ARID3A: variants seen among roughly 807,000 people sequenced by gnomAD.
ARID3A encodes the protein AT-rich interactive domain-containing protein 3A.
In ARID3A, 11 loss-of-function variants were observed where a neutral mutation model predicts 52.7. The ratio of observed to expected loss-of-function variants is 0.21; its 90% CI spans 0.13 to 0.35. The LOEUF (loss-of-function observed/expected upper bound fraction) is 0.35. Ranked by LOEUF, ARID3A falls within the 10% of genes least tolerant of loss-of-function variation. The pLI, the probability that ARID3A is intolerant of heterozygous loss-of-function variation, is 1.00. For missense variants in ARID3A, 721 were observed against 838.5 expected (o/e 0.86, Z 1.73); for synonymous variants, 404 against 359.4 (o/e 1.12, Z -1.40).
intron 3 of ARID3A, among the ~76,000 whole-genome samples, chr19:948,096 G>A (rs933293429): frequency 3.9e-5 from 6 of 151,912 alleles, no homozygotes; most frequent in Non-Finnish European, 7.4e-5. Flanking sequence ...GCCCTCCCCC[G>A]ACCCATCAGT....
intron 8 of ARID3A, among the ~76,000 whole-genome samples, chr19:971,599 G>A (rs1450945646): frequency 2.0e-5 from 3 of 152,204 alleles, no homozygotes; most frequent in Middle Eastern, 3.4e-3. Flanking sequence ...GCGCGACAGA[G>A]CGAGACACCA....
At chr19:968,225 T>A (rs1180237317) in intron 7 of ARID3A, among the ~76,000 whole-genome samples, 180 bp from the exon 8 acceptor site, 1 of 150,452 alleles carries the variant, frequency 6.6e-6, no homozygotes, top group African/African-American at 2.5e-5. Flanking sequence ...CCAGGCGTGG[T>A]GGCGGGCGCC....
Position 974,578 on chromosome 19 carries a change from C to G in ARID3A, c.*2513C>G. 2 of 230,054 alleles carry G rather than the reference C, an allele frequency of 8.7e-6. No individual in the cohort carries two copies. Among genetic ancestry groups the G allele is most frequent in the Non-Finnish European group, 1.7e-5 (2 of 116,100 alleles). The allele number at this position is 230,054 out of a possible 1,614,324, so 14.3% of individuals were successfully genotyped here. On this transcript the variant is annotated 3_prime_UTR_variant, in exon 9 of 9. Transcript: ENST00000263620. ...AAATCTGAGCCCCTGGGGTGCCTCT[C>G]CCCCGCCTCCCGTGCACCAGGGTCT...
At chr19:958,689 C>CGAG (rs1238694754) in intron 3 of ARID3A, among the ~76,000 whole-genome samples, 2 of 151,622 alleles carry the variant, frequency 1.3e-5, no homozygotes, top group East Asian at 3.9e-4. Context: ...GTCAGGAGAT[C>CGAG]GAGACCATCC....
Position 960,866 on chromosome 19 carries a change from T to A in ARID3A, c.766+702T>A, listed in dbSNP as rs955999588. On this transcript the variant is annotated intron_variant, in intron 4 of 8. Coordinates refer to ENST00000263620, the MANE Select transcript of ARID3A (RefSeq NM_005224.3). This position sits in a 1 kb window ranked among gnomAD's most constrained non-coding sequence, Gnocchi z 4.3. ...TAGAGAGGGCAGGTCTGGGCTGGTGTCCAGGTGGGGAAACTGAGGTCCAGA... is the reference window on the plus strand; with the variant it reads ...TAGAGAGGGCAGGTCTGGGCTGGTGACCAGGTGGGGAAACTGAGGTCCAGA... 1.3e-5 allele frequency among the ~76,000 whole-genome samples: 2 copies of A among 152,066 alleles called. No individual in the cohort carries two copies. Among genetic ancestry groups the A allele is most frequent in the African/African-American group, 4.8e-5 (2 of 41,380 alleles).
intron 3 of ARID3A, among the ~76,000 whole-genome samples, chr19:952,702 T>C (rs948123164): frequency 6.6e-6 from 1 of 152,204 alleles, no homozygotes; most frequent in Non-Finnish European, 1.5e-5. Flanking sequence ...TGCCGTGGCC[T>C]CATCCCCAGG....
intron 3 of ARID3A, among the ~76,000 whole-genome samples, chr19:955,471 G>T (rs1044391181): frequency 6.6e-6 from 1 of 152,178 alleles, no homozygotes; most frequent in Non-Finnish European, 1.5e-5. Flanking sequence ...GGCCCAGTTC[G>T]CCCACCATTT....
chr19:940,733 C>T (rs2037531752), intron 3 of ARID3A, among the ~76,000 whole-genome samples: 2 of 152,190 alleles, frequency 1.3e-5, no homozygotes, highest in Middle Eastern at 3.2e-3. Context: ...CCGAGCCAGG[C>T]CCTCGGCCGC....
In ARID3A at chr19:947,814, G is replaced by C. The variant is rs1384053898; in HGVS notation, c.694-12278G>C. Among the ~76,000 whole-genome samples, 1 of 152,240 alleles carries C rather than the reference G, an allele frequency of 6.6e-6. No individual in the cohort carries two copies. Among genetic ancestry groups the C allele is most frequent in the Non-Finnish European group, 1.5e-5 (1 of 68,030 alleles). ...CTCGGGGCCCATCAGGGCCGGGGGAGTGGAGCCGGCAGATGTTCGGCCCTG... is the reference window on the plus strand; with the variant it reads ...CTCGGGGCCCATCAGGGCCGGGGGACTGGAGCCGGCAGATGTTCGGCCCTG... On this transcript the variant is annotated intron_variant, in intron 3 of 8. Coordinates refer to ENST00000263620, the MANE Select transcript of ARID3A (RefSeq NM_005224.3). This position sits in a 1 kb window ranked among gnomAD's most constrained non-coding sequence, Gnocchi z 6.3.
At chr19:943,792 T>G (rs1157565385) in intron 3 of ARID3A, among the ~76,000 whole-genome samples, 1 of 152,180 alleles carries the variant, frequency 6.6e-6, no homozygotes, top group African/African-American at 2.4e-5. Flanking sequence ...CACCGTGCCC[T>G]GGGCAAGGTT....
rs2037555346 is a variant in ARID3A at position 941,551 on chromosome 19, C to T, written c.693+8809C>T. 6.6e-6 allele frequency among the ~76,000 whole-genome samples: 1 copy of T among 152,138 alleles called. No individual in the cohort carries two copies. The highest frequency in any genetic ancestry group is 2.4e-5 in the African/African-American group (1 of 41,404). ...GCGTGGACCTGTTGGTGAGTGTGTCCAGACGTGTGTCTGCCCTGACGTCCT... is the reference window on the plus strand; with the variant it reads ...GCGTGGACCTGTTGGTGAGTGTGTCTAGACGTGTGTCTGCCCTGACGTCCT... On this transcript the variant is annotated intron_variant, in intron 3 of 8. Coordinates refer to ENST00000263620, the MANE Select transcript of ARID3A (RefSeq NM_005224.3). This position sits in a 1 kb window ranked among gnomAD's most constrained non-coding sequence, Gnocchi z 6.9.
In ARID3A at chr19:932,235, CAA is replaced by C. The variant is rs570359125; in HGVS notation, c.369-181_369-180del. Reference sequence around the variant, plus strand: ...TGTGCTGTTCTGGGCTAATTGGAAACAAAGTGGGCGTCACGGGTGCCCCACGC... The same window carrying C: ...TGTGCTGTTCTGGGCTAATTGGAAACAGTGGGCGTCACGGGTGCCCCACGC... On this transcript the variant is annotated intron_variant, in intron 2 of 8. Transcript: ENST00000263620. Among the ~76,000 whole-genome samples the C allele has an allele frequency of 1.5e-4, 23 of 152,280 alleles. No individual in the cohort carries two copies. The South Asian group carries it at 2.9e-3, about 19-fold the overall frequency.
chr19:971,767 A>C, intron 8 of ARID3A, 111 bp from the exon 9 acceptor site: 1 of 1,337,644 alleles, frequency 7.5e-7, no homozygotes, highest in Non-Finnish European at 1.0e-6. Flanking sequence ...AGCCTGGGGG[A>C]CAGAGTGAGA....
chr19:929,987 G>C lies in ARID3A; in HGVS notation c.368+91G>C. 1 of 1,483,092 alleles carries C rather than the reference G, an allele frequency of 6.7e-7. No individual in the cohort carries two copies. Among genetic ancestry groups the C allele is most frequent in the Non-Finnish European group, 9.0e-7 (1 of 1,113,792 alleles). The allele number at this position is 1,483,092 out of a possible 1,614,324, so 91.9% of individuals were successfully genotyped here. ...TCTGCAGAATGGGAGTAAGGGTCAG[G>C]TCGCGGGATCTCCTTCCTGTAATTC... On this transcript the variant is annotated intron_variant, in intron 2 of 8. Transcript: ENST00000263620. The surrounding 1 kb of genome is among the most constrained non-coding windows in gnomAD (Gnocchi z 6.2).
At position 975,118 on chromosome 19, in the gene ARID3A, G is replaced by T. The variant is rs1188478811; in HGVS notation, c.*3053G>T. On this transcript the variant is annotated 3_prime_UTR_variant, in exon 9 of 9. Coordinates refer to ENST00000263620, the MANE Select transcript of ARID3A (RefSeq NM_005224.3). ...TTTAAATTCGGTGTGGCTTTCTGGGGTGCAGCTCAGCACCCCCCCTTATGC... is the reference window on the plus strand; with the variant it reads ...TTTAAATTCGGTGTGGCTTTCTGGGTTGCAGCTCAGCACCCCCCCTTATGC... 4.3e-6 allele frequency: 1 copy of T among 231,450 alleles called. No individual in the cohort carries two copies. The allele number at this position is 231,450 out of a possible 1,614,324, so 14.3% of individuals were successfully genotyped here. A position where few individuals can be genotyped will look rare whatever the true frequency, so the allele number is the denominator to read the frequency against.
At chr19:967,670 C>T (rs976993304) in intron 7 of ARID3A, among the ~76,000 whole-genome samples, 6 of 152,190 alleles carry the variant, frequency 3.9e-5, no homozygotes, top group East Asian at 1.9e-4. Flanking sequence ...TGACAGACAC[C>T]GTCTACACCT....
upstream of ARID3A, chr19:925,800 C>T (rs1392416852): frequency 6.6e-6 from 1 of 152,136 alleles, no homozygotes; most frequent in Non-Finnish European, 1.5e-5. Flanking sequence ...CTCCCCAGCG[C>T]CCCCGGGCTG....
Position 945,412 on chromosome 19 carries a change from G to A in ARID3A, c.693+12670G>A, listed in dbSNP as rs139389708. On this transcript the variant is annotated intron_variant, in intron 3 of 8. Coordinates refer to ENST00000263620, the MANE Select transcript of ARID3A (RefSeq NM_005224.3). ...CTGCTGCCTGACCCAGCCCACCTCC[G>A]TCTGCTCCCTAGCGGGGAGGTGTCC... Among the ~76,000 whole-genome samples, 1,085 of 151,958 alleles carry A rather than the reference G, an allele frequency of 7.1e-3. 23 individuals carry two copies. The highest frequency in any genetic ancestry group is 0.025 in the African/African-American group (1,039 of 41,528).
At chr19:934,992 C>G (rs1158493647) in intron 3 of ARID3A, among the ~76,000 whole-genome samples, 1 of 152,202 alleles carries the variant, frequency 6.6e-6, no homozygotes, top group African/African-American at 2.4e-5. Flanking sequence ...CACCTGTGTT[C>G]CCAGTGTCAA....
Sources: allele counts gnomAD v4.1 joint callset (sites outside exome capture counted in the v4.1 genomes callset), GRCh38; gene constraint gnomAD v4.1.1; non-coding constraint Gnocchi (gnomAD v3.1); transcripts MANE v1.5; gene names NCBI Gene and HGNC (gene_info 2026-07-23, HGNC 2026-07-21).